The following UBE4B variants were observed in gnomAD, a reference collection of about 807,000 sequenced individuals.
UBE4B encodes the protein ubiquitination factor E4B.
UBE4B carries 27 observed loss-of-function variants against 148.1 expected under a neutral mutation model. The ratio of observed to expected loss-of-function variants is 0.18; its 90% confidence interval spans 0.13 to 0.25. The LOEUF (loss-of-function observed/expected upper bound fraction) is 0.25. Among genes scored for constraint, UBE4B ranks in the 10% least tolerant of loss-of-function variants. The pLI is 1.00. For synonymous variants in UBE4B, 596 were observed against 619.3 expected (o/e 0.96, Z 0.56); for missense variants, 1,170 against 1,662.4 (o/e 0.70, Z 5.15).
chr1:10,157,160 A>G (rs139505257), intron 21 of UBE4B, among the ~76,000 whole-genome samples: 258 of 152,264 alleles, frequency 1.7e-3, no homozygotes, highest in Middle Eastern at 6.8e-3. Context: ...AATTATGGGC[A>G]CACACCACCA....
At chr1:10,156,006 G>A in intron 21 of UBE4B, among the ~76,000 whole-genome samples, 1 of 150,980 alleles carries the variant, frequency 6.6e-6, no homozygotes. Context: ...CTCCAGCCTG[G>A]GCTACAGAGT....
intron 8 of UBE4B, 60 bp downstream of exon 8, chr1:10,117,660 C>A (rs772878881): frequency 4.5e-4 from 668 of 1,501,098 alleles, no homozygotes; most frequent in Admixed American, 9.1e-4. Flanking sequence ...TGATTATCCC[C>A]ACCCCTGGAG....
chr1:10,043,415 ATGC>A (rs1334494656), intron 1 of UBE4B, among the ~76,000 whole-genome samples: 6 of 138,842 alleles, frequency 4.3e-5, no homozygotes, highest in African/African-American at 1.3e-4. Context: ...TGAAATTGAG[ATGC>A]TGCTTTTTTT....
chr1:10,121,906 C>A, intron 9 of UBE4B, 56 bp from the exon 10 acceptor site: 2 of 1,150,854 alleles, frequency 1.7e-6, no homozygotes, highest in South Asian at 1.5e-5. Context: ...TGACATTTCA[C>A]GTGCCTCTGT....
chr1:10,062,544 C>T (rs1390604292), intron 1 of UBE4B, among the ~76,000 whole-genome samples: 1 of 74,514 alleles, frequency 1.3e-5, no homozygotes, highest in African/African-American at 5.6e-5. Context: ...AACTCCTGAC[C>T]TCAGGAGGTC....
chr1:10,068,115 G>A (rs866220560), intron 1 of UBE4B, among the ~76,000 whole-genome samples: 6 of 144,896 alleles, frequency 4.1e-5, no homozygotes, highest in Middle Eastern at 4.0e-3. Flanking sequence ...TGCAACCTCC[G>A]CCTCCTGGGT....
chr1:10,119,099 C>T (rs1455148840), intron 8 of UBE4B, among the ~76,000 whole-genome samples: 4 of 150,810 alleles, frequency 2.7e-5, no homozygotes, highest in Admixed American at 1.3e-4. Flanking sequence ...GCCAGGATGG[C>T]GTCGATCTCC....
At chr1:10,111,826 A>C (rs1645227328) in intron 7 of UBE4B, among the ~76,000 whole-genome samples, 1 of 152,144 alleles carries the variant, frequency 6.6e-6, no homozygotes, top group Admixed American at 6.5e-5. Context: ...GCATGATGGC[A>C]TGTGCCTATA....
intron 21 of UBE4B, 87 bp downstream of exon 21, chr1:10,151,648 G>T (rs1021115609): frequency 8.8e-7 from 1 of 1,134,550 alleles, no homozygotes; most frequent in African/African-American, 1.5e-5. Context: ...CTCTAAGCCT[G>T]TTACCTAATA....
chr1:10,122,612 T>C (rs1645428594), intron 10 of UBE4B, among the ~76,000 whole-genome samples: 1 of 152,250 alleles, frequency 6.6e-6, no homozygotes. Context: ...CAGGTGAAAA[T>C]GCAGATATGT....
chr1:10,056,986 G>A (rs1468086435), intron 1 of UBE4B, among the ~76,000 whole-genome samples: 1 of 151,280 alleles, frequency 6.6e-6, no homozygotes, highest in Non-Finnish European at 1.5e-5. Context: ...GCTCATTTTT[G>A]TATTTTTTTT....
In UBE4B at chr1:10,161,449, T is replaced by A. The variant is rs886246817; in HGVS notation, c.3198+163T>A. On this transcript the variant is annotated intron_variant, in intron 23 of 27. Transcript: ENST00000343090. The surrounding 1 kb of genome is among the most constrained non-coding windows in gnomAD (Gnocchi z 4.1). The stretch of plus-strand genomic sequence containing the variant: ...TATTGCAGGATTGGAATAGGAAAAT[T>A]CTTAAATACCTTATCTGAAGCTAAG... Among the ~76,000 whole-genome samples the A allele has an allele frequency of 3.3e-4, 50 of 152,338 alleles. No homozygotes were observed. Among genetic ancestry groups the A allele is most frequent in the African/African-American group, 1.2e-3 (50 of 41,574 alleles).
intron 25 of UBE4B, among the ~76,000 whole-genome samples, chr1:10,172,839 A>G (rs754972364): frequency 2.8e-4 from 43 of 152,136 alleles, no homozygotes; most frequent in Non-Finnish European, 5.1e-4. Flanking sequence ...CTGGACCACA[A>G]AGACCATGTG....
At chr1:10,157,473 G>A (rs1320355122) in intron 21 of UBE4B, among the ~76,000 whole-genome samples, 1 of 151,670 alleles carries the variant, frequency 6.6e-6, no homozygotes, top group Non-Finnish European at 1.5e-5. Flanking sequence ...GCAAGACCCT[G>A]TCTCCAAAAA....
Position 10,072,137 on chromosome 1 carries a change from C to T in UBE4B, c.134C>T (p.Ser45Leu). ...ENPPGPPIAA[S>L]APGPSQSLGL... ...CCTCCGGGGCCTCCCATAGCGGCAT[C>T]AGCCCCAGGACCCTCTCAGAGTCTT... The change falls in exon 2 of 28, where the codon TCA becomes TTA. Residue 45 changes from serine (S) to leucine (L), a missense_variant. Physicochemically the swap from Ser to Leu is moderately radical, Grantham distance 145. Coordinates refer to ENST00000343090, the MANE Select transcript of UBE4B (RefSeq NM_001105562.3). 1 of 1,613,754 alleles carries T rather than the reference C, an allele frequency of 6.2e-7. No homozygotes were observed. The highest frequency in any genetic ancestry group is 8.5e-7 in the Non-Finnish European group (1 of 1,179,888).
chr1:10,115,137 T>C (rs940152471), intron 7 of UBE4B, among the ~76,000 whole-genome samples: 3 of 151,978 alleles, frequency 2.0e-5, no homozygotes, highest in African/African-American at 7.3e-5. Context: ...TTGTTTCTCC[T>C]TCTTACTGAA....
At chr1:10,062,598 C>T (rs753092149) in intron 1 of UBE4B, among the ~76,000 whole-genome samples, 18 of 152,234 alleles carry the variant, frequency 1.2e-4, no homozygotes, top group African/African-American at 4.3e-4. Flanking sequence ...AGGCGTAAGC[C>T]GCTGTACCGG....
chr1:10,159,922 G>A (rs1646133979), intron 22 of UBE4B, among the ~76,000 whole-genome samples: 1 of 152,192 alleles, frequency 6.6e-6, no homozygotes, highest in African/African-American at 2.4e-5. Context: ...AGCCTGGCAC[G>A]AGGCAGGCCC....
chr1:10,090,277 G>T (rs890793187), intron 2 of UBE4B, among the ~76,000 whole-genome samples: 1 of 152,138 alleles, frequency 6.6e-6, no homozygotes, highest in Non-Finnish European at 1.5e-5. Context: ...ATACCATCAC[G>T]CTTGGCTCAT....
Sources: allele counts gnomAD v4.1 joint callset (sites outside exome capture counted in the v4.1 genomes callset), GRCh38; gene constraint gnomAD v4.1.1; non-coding constraint Gnocchi (gnomAD v3.1); transcripts MANE v1.5; gene names NCBI Gene and HGNC (gene_info 2026-07-23, HGNC 2026-07-21).